Variants in BCL11A observed in about 807,000 individuals in gnomAD.
BCL11A encodes BCL11 transcription factor A.
Under a neutral mutation model 55.9 loss-of-function variants are expected in BCL11A, and 2 were observed. That is an observed-to-expected ratio of 0.04 (90% confidence interval 0.01 to 0.11). The LOEUF is 0.11. BCL11A is among the 10% of genes least tolerant of loss of function. BCL11A has a pLI of 1.00. For missense variants in BCL11A, 817 were observed against 1,137.1 expected, an observed-to-expected ratio of 0.72 and a Z score of 4.05; for synonymous variants, 465 against 473.4, an observed-to-expected ratio of 0.98 and a Z score of 0.23.
intron 2 of BCL11A, 98 bp from the exon 3 acceptor site, chr2:60,468,931 C>T: frequency 1.3e-6 from 1 of 741,758 alleles, no homozygotes. Context: ...TAGATTACAA[C>T]ATCATTACAA....
chr2:60,516,681 A>C (rs191721019), intron 2 of BCL11A, among the ~76,000 whole-genome samples: 56 of 152,346 alleles, frequency 3.7e-4, no homozygotes, highest in Non-Finnish European at 5.4e-4. Flanking sequence ...TGAAAGTTTA[A>C]CTGCCCTCAA....
At chr2:60,553,918 A>C, upstream of BCL11A, 1 of 91,898 alleles carries the variant, frequency 1.1e-5, no homozygotes, top group South Asian at 4.2e-4. Context: ...CGTGGCCGGG[A>C]GAGAAGAAAG....
chr2:60,479,907 C>T (rs1305717520), intron 2 of BCL11A, among the ~76,000 whole-genome samples: 7 of 152,158 alleles, frequency 4.6e-5, no homozygotes, highest in African/African-American at 9.7e-5. Flanking sequence ...TTCCACCAAC[C>T]GTTTTTTGAT....
At chr2:60,497,024 A>C (rs940900024) in intron 2 of BCL11A, among the ~76,000 whole-genome samples, 3 of 152,226 alleles carry the variant, frequency 2.0e-5, no homozygotes, top group African/African-American at 7.2e-5. Context: ...AAGCTCTCAC[A>C]TGGAAGGAAG....
intron 3 of BCL11A, among the ~76,000 whole-genome samples, chr2:60,467,140 GGTGGTGA>G (rs1676691603): frequency 7.0e-6 from 1 of 141,934 alleles, no homozygotes; most frequent in Admixed American, 6.9e-5. Flanking sequence ...TGGTGGTGTT[GGTGGTGA>G]TGGTGGTGGT....
chr2:60,552,401 C>G (rs1460358619), intron 1 of BCL11A, among the ~76,000 whole-genome samples: 1 of 152,122 alleles, frequency 6.6e-6, no homozygotes, highest in Non-Finnish European at 1.5e-5. Context: ...GCCTCCTCCC[C>G]CGGCCCTAGC....
chr2:60,453,909 C>G (rs1009675107), downstream of BCL11A, among the ~76,000 whole-genome samples: 45 of 152,244 alleles, frequency 3.0e-4, no homozygotes, highest in Admixed American at 2.2e-3. Flanking sequence ...GATCAACCAT[C>G]GAGCTGTGTT....
intron 2 of BCL11A, among the ~76,000 whole-genome samples, chr2:60,490,331 C>T (rs118081934): frequency 2.4e-3 from 363 of 152,274 alleles, no homozygotes; most frequent in East Asian, 0.017. Context: ...TTCAGCAGCC[C>T]TCTGTGATCT....
chr2:60,456,285 G>A (rs546615129), downstream of BCL11A, among the ~76,000 whole-genome samples: 48 of 152,280 alleles, frequency 3.2e-4, no homozygotes, highest in Middle Eastern at 3.4e-3. Flanking sequence ...ACAGGGACAC[G>A]ATATCACAGA....
chr2:60,495,770 G>A (rs1678910061), intron 2 of BCL11A: 1 of 152,140 alleles, frequency 6.6e-6, no homozygotes, highest in Non-Finnish European at 1.5e-5. Context: ...AAGGTACCTG[G>A]AAAACTGTAA....
chr2:60,480,062 G>A (rs569556359), intron 2 of BCL11A, among the ~76,000 whole-genome samples: 4 of 152,300 alleles, frequency 2.6e-5, no homozygotes, highest in African/African-American at 9.6e-5. Flanking sequence ...CTCCGGTGTG[G>A]AGCAAGCTGT....
chr2:60,452,646 G>A (rs751233129), downstream of BCL11A: 41 of 1,613,730 alleles, frequency 2.5e-5, no homozygotes, highest in East Asian at 1.3e-4. Flanking sequence ...GTACTACGCC[G>A]AATGGGGGTG....
intron 2 of BCL11A, among the ~76,000 whole-genome samples, chr2:60,479,990 T>C (rs1338266666): frequency 2.6e-5 from 4 of 152,264 alleles, no homozygotes; most frequent in African/African-American, 9.6e-5. Context: ...ACTCAAAAGC[T>C]GCTTTTGTTA....
intron 2 of BCL11A, among the ~76,000 whole-genome samples, chr2:60,509,148 T>A (rs1356497588): frequency 6.6e-6 from 1 of 152,236 alleles, no homozygotes; most frequent in Non-Finnish European, 1.5e-5. Flanking sequence ...AAGCAATTTG[T>A]TTGATTCAGG....
downstream of BCL11A, chr2:60,452,795 G>A (rs1259137837): frequency 3.0e-6 from 2 of 666,412 alleles, no homozygotes; most frequent in East Asian, 5.6e-5. Context: ...CGAGCCACTG[G>A]CATCTTAAGC....
chr2:60,534,169 C>T (rs1453421838), intron 2 of BCL11A: 2 of 152,264 alleles, frequency 1.3e-5, no homozygotes, highest in African/African-American at 2.4e-5. Context: ...GTTTTCACCA[C>T]CAGGGCACTC....
rs112151405 is a variant in BCL11A at position 60,470,072 on chromosome 2, T to C, written c.386-1239A>G. ...CACTGCCAAGCACAGCCAAGGCAGTTGGGACAAGATTTCCTTTCGCAAGGA... is the reference window on the plus strand; with the variant it reads ...CACTGCCAAGCACAGCCAAGGCAGTCGGGACAAGATTTCCTTTCGCAAGGA... On this transcript the variant is annotated intron_variant, in intron 2 of 3. Transcript: ENST00000642384. 2.2e-3 allele frequency among the ~76,000 whole-genome samples: 340 copies of C among 152,290 alleles called. 1 individual carries two copies. Among genetic ancestry groups the C allele is most frequent in the African/African-American group, 7.6e-3 (314 of 41,568 alleles).
Position 60,467,120 on chromosome 2 carries a change from G to C in BCL11A, c.487+1612C>G, listed in dbSNP as rs368199754. The stretch of plus-strand genomic sequence containing the variant: ...GATGATGGTGGTGGTAGTGGTGGTG[G>C]TGGTGGTGATGGTGGTGTTGGTGGT... On this transcript the variant is annotated intron_variant, in intron 3 of 3. Transcript: ENST00000642384. 1.4e-3 allele frequency among the ~76,000 whole-genome samples: 193 copies of C among 134,342 alleles called. 1 individual carries two copies. Among genetic ancestry groups the C allele is most frequent in the Admixed American group, 2.1e-3 (28 of 13,180 alleles). 88.1% of individuals were successfully genotyped at this position (134,342 alleles called of 152,430 possible).
chr2:60,456,387 A>G (rs1241023148), downstream of BCL11A, among the ~76,000 whole-genome samples: 1 of 152,242 alleles, frequency 6.6e-6, no homozygotes, highest in Non-Finnish European at 1.5e-5. Flanking sequence ...AAATAGACCT[A>G]ACTGGCTGGT....
Sources: gnomAD v4.1 joint callset for allele counts (sites outside exome capture counted in the v4.1 genomes callset) on GRCh38, gnomAD v4.1.1 for gene constraint, MANE v1.5 for transcripts, NCBI Gene and HGNC (gene_info 2026-07-23, HGNC 2026-07-21) for gene names.